Variants in TTC28 observed in about 807,000 individuals in gnomAD.
TTC28 encodes the protein tetratricopeptide repeat protein 28.
A neutral mutation model predicts 198.0 loss-of-function variants in TTC28; 61 were observed. That is an observed-to-expected ratio of 0.31 (90% confidence interval 0.25 to 0.38). The LOEUF (loss-of-function observed/expected upper bound fraction) is 0.38. Among genes scored for constraint, TTC28 ranks in the 10% least tolerant of loss-of-function variants. The pLI is 1.00. For synonymous variants in TTC28, 1,171 were observed against 1,297.8 expected, an observed-to-expected ratio of 0.90 and a Z score of 2.10; for missense variants, 2,678 against 3,164.0, an observed-to-expected ratio of 0.85 and a Z score of 3.69.
chr22:28,585,475 G>A (rs1428474083), intron 2 of TTC28, among the ~76,000 whole-genome samples: 1 of 152,180 alleles, frequency 6.6e-6, no homozygotes, highest in East Asian at 1.9e-4. Flanking sequence ...ACAGGAGGCA[G>A]AGCTCAGGCA....
intron 5 of TTC28, among the ~76,000 whole-genome samples, chr22:28,179,113 ATTGGG>A (rs778312367): frequency 6.6e-6 from 1 of 151,970 alleles, no homozygotes; most frequent in Non-Finnish European, 1.5e-5. Flanking sequence ...TTAGAATACA[ATTGGG>A]TCTATTTTAA....
intron 6 of TTC28, among the ~76,000 whole-genome samples, chr22:28,115,317 T>C (rs377428115): frequency 6.6e-6 from 1 of 152,110 alleles, no homozygotes; most frequent in African/African-American, 2.4e-5. Flanking sequence ...CACACCACCA[T>C]ACCCAGCTTA....
intron 2 of TTC28, among the ~76,000 whole-genome samples, chr22:28,608,382 G>T (rs997906943): frequency 6.6e-6 from 1 of 152,116 alleles, no homozygotes; most frequent in African/African-American, 2.4e-5. Context: ...ACTGTATTCG[G>T]CCTAACTCAG....
chr22:28,121,666 G>A (rs1411579641), intron 6 of TTC28, among the ~76,000 whole-genome samples: 4 of 152,154 alleles, frequency 2.6e-5, no homozygotes, highest in Admixed American at 6.5e-5. Flanking sequence ...GCTTGTGGCA[G>A]ACAGCAAAGG....
chr22:28,336,399 T>C (rs1238312700), intron 2 of TTC28, among the ~76,000 whole-genome samples: 4 of 152,202 alleles, frequency 2.6e-5, no homozygotes, highest in Non-Finnish European at 4.4e-5. Flanking sequence ...ATTGGAATAG[T>C]TTCAGAAGGA....
chr22:28,237,489 T>C (rs1929335727), intron 5 of TTC28, among the ~76,000 whole-genome samples: 1 of 152,234 alleles, frequency 6.6e-6, no homozygotes, highest in Non-Finnish European at 1.5e-5. Flanking sequence ...AACTGCTTTA[T>C]GTATAATGTA....
chr22:28,200,882 A>G (rs918122415), intron 5 of TTC28, among the ~76,000 whole-genome samples: 3 of 152,182 alleles, frequency 2.0e-5, no homozygotes, highest in African/African-American at 7.2e-5. Flanking sequence ...AGAAAGCTAT[A>G]TTGTGTGCTA....
At position 27,996,147 on chromosome 22, in the gene TTC28, C is replaced by T; in HGVS notation, c.5232G>A (p.Val1744=). The change falls in exon 17 of 23, where the codon GTG becomes GTA. Residue 1744 remains valine, a synonymous_variant. Transcript: ENST00000397906. ...CCGACCCCCTTACCAGGTGCAGCAG[C>T]ACTCGCAGGGCGTCCCGCGCACGCT... ...HPERARDALR[V]LLHLVEKSLQ... is the part of the protein sequence containing the mutation. 1 of 1,550,010 alleles carries T rather than the reference C, an allele frequency of 6.5e-7. No homozygotes were observed. The highest frequency in any genetic ancestry group is 8.7e-7 in the Non-Finnish European group (1 of 1,146,920).
At chr22:28,129,473 C>T (rs1423676739) in intron 6 of TTC28, among the ~76,000 whole-genome samples, 1 of 152,208 alleles carries the variant, frequency 6.6e-6, no homozygotes, top group Non-Finnish European at 1.5e-5. Flanking sequence ...AGAGCAGGAG[C>T]TTGGCGGTCA....
At chr22:28,134,655 G>C (rs1943154589) in intron 6 of TTC28, among the ~76,000 whole-genome samples, 1 of 152,130 alleles carries the variant, frequency 6.6e-6, no homozygotes, top group Admixed American at 6.5e-5. Context: ...AGAAAAAAGA[G>C]TAAAAAGAAA....
At chr22:28,205,184 GA>G (rs1413216510) in intron 5 of TTC28, among the ~76,000 whole-genome samples, 3 of 152,030 alleles carry the variant, frequency 2.0e-5, no homozygotes, top group African/African-American at 7.2e-5. Context: ...TGAAGATAAA[GA>G]GATGCTCTTT....
chr22:28,398,607 C>A (rs189183284), intron 2 of TTC28, among the ~76,000 whole-genome samples: 31 of 152,296 alleles, frequency 2.0e-4, no homozygotes, highest in African/African-American at 7.5e-4. Flanking sequence ...CCAAGTATAT[C>A]TAGGGCTCAA....
At chr22:28,170,916 C>A (rs986146434) in intron 5 of TTC28, among the ~76,000 whole-genome samples, 18 of 152,174 alleles carry the variant, frequency 1.2e-4, no homozygotes, top group African/African-American at 4.3e-4. Flanking sequence ...GCGCTTCTAA[C>A]CCCAGCCTCT....
chr22:28,011,410 A>G (rs1206007633), intron 14 of TTC28, among the ~76,000 whole-genome samples: 2 of 152,194 alleles, frequency 1.3e-5, no homozygotes, highest in Non-Finnish European at 2.9e-5. Flanking sequence ...AGCCTGGGCA[A>G]CATGGTGAAA....
intron 5 of TTC28, among the ~76,000 whole-genome samples, chr22:28,256,629 A>G (rs1569224993): frequency 1.3e-5 from 2 of 152,332 alleles, no homozygotes; most frequent in Non-Finnish European, 1.5e-5. Flanking sequence ...AATTCAGGGT[A>G]AAAAGAACAA....
intron 5 of TTC28, among the ~76,000 whole-genome samples, chr22:28,218,981 T>C (rs1927628967): frequency 6.6e-6 from 1 of 151,330 alleles, no homozygotes; most frequent in African/African-American, 2.4e-5. Flanking sequence ...AGACAAATAA[T>C]ATCTTAGTAT....
chr22:28,282,910 T>C (rs1349333672), intron 5 of TTC28, among the ~76,000 whole-genome samples: 5 of 152,164 alleles, frequency 3.3e-5, no homozygotes, highest in African/African-American at 1.2e-4. Context: ...TATACATATA[T>C]ATACATATAT....
intron 2 of TTC28, among the ~76,000 whole-genome samples, chr22:28,323,221 C>T (rs1056578269): frequency 6.6e-6 from 1 of 152,144 alleles, no homozygotes; most frequent in African/African-American, 2.4e-5. Flanking sequence ...TGAAGATCTA[C>T]AAGCATCAAG....
chr22:28,040,044 T>C (rs951118569), intron 12 of TTC28, among the ~76,000 whole-genome samples: 3 of 152,154 alleles, frequency 2.0e-5, no homozygotes, highest in East Asian at 1.9e-4. Context: ...CAGGAAGAAG[T>C]TGAATCCCTG....
Sources: gnomAD v4.1 joint callset for allele counts (sites outside exome capture counted in the v4.1 genomes callset) on GRCh38, gnomAD v4.1.1 for gene constraint, MANE v1.5 for transcripts, NCBI Gene and HGNC (gene_info 2026-07-23, HGNC 2026-07-21) for gene names.